The following ARHGAP26 variants were observed in gnomAD, a reference collection of about 807,000 sequenced individuals.
ARHGAP26 encodes the protein Rho GTPase activating protein 26.
ARHGAP26 carries 38 observed loss-of-function variants against 104.8 expected under a neutral mutation model. That is an observed-to-expected ratio of 0.36 (90% CI 0.28 to 0.48). The LOEUF (loss-of-function observed/expected upper bound fraction) is 0.48, where lower values mean the gene tolerates loss of function less well. Among genes scored for constraint, ARHGAP26 ranks in the 20% least tolerant of loss-of-function variants. The pLI is 0.99. For synonymous variants in ARHGAP26, 341 were observed against 340.0 expected (o/e 1.00, Z -0.03); for missense variants, 704 against 947.9 (o/e 0.74, Z 3.38).
intron 11 of ARHGAP26, among the ~76,000 whole-genome samples, chr5:142,938,516 G>A (rs554170707): frequency 9.2e-5 from 14 of 152,306 alleles, no homozygotes; most frequent in Admixed American, 2.6e-4. Context: ...TTTCTTTGGC[G>A]AGTTTCCAAT....
chr5:143,192,272 G>A (rs1806052519), intron 20 of ARHGAP26, among the ~76,000 whole-genome samples: 2 of 152,210 alleles, frequency 1.3e-5, no homozygotes, highest in African/African-American at 4.8e-5. Flanking sequence ...ATTTGAAATG[G>A]GCTTTGAGTG....
chr5:142,861,891 G>C (rs973434449), intron 1 of ARHGAP26, among the ~76,000 whole-genome samples: 2 of 152,096 alleles, frequency 1.3e-5, no homozygotes, highest in African/African-American at 2.4e-5. Flanking sequence ...CTGGATGAAG[G>C]CCTCGATTTA....
chr5:143,061,381 G>A (rs1308438667), intron 17 of ARHGAP26, among the ~76,000 whole-genome samples: 1 of 152,244 alleles, frequency 6.6e-6, no homozygotes, highest in East Asian at 1.9e-4. Context: ...CATACCATTC[G>A]TAGTGGCTCA....
At chr5:142,812,195 T>TAA (rs1258226065) in intron 1 of ARHGAP26, among the ~76,000 whole-genome samples, 1 of 152,182 alleles carries the variant, frequency 6.6e-6, no homozygotes, top group African/African-American at 2.4e-5. Flanking sequence ...TGTAAGGATC[T>TAA]TTTTAACCCA....
At chr5:142,863,349 C>T (rs1753706421) in intron 1 of ARHGAP26, among the ~76,000 whole-genome samples, 1 of 152,124 alleles carries the variant, frequency 6.6e-6, no homozygotes. Context: ...CCTCGTGATC[C>T]GCCCACCTCG....
intron 10 of ARHGAP26, among the ~76,000 whole-genome samples, chr5:142,927,800 T>G (rs1226947134): frequency 6.6e-6 from 1 of 152,234 alleles, no homozygotes; most frequent in East Asian, 1.9e-4. Flanking sequence ...AGAGTCCCAG[T>G]TACTCTACAT....
chr5:143,154,640 A>G (rs150848635), intron 20 of ARHGAP26, among the ~76,000 whole-genome samples: 248 of 152,244 alleles, frequency 1.6e-3, no homozygotes, highest in African/African-American at 5.6e-3. Context: ...TGATCAGTGA[A>G]GAGGAGGAAG....
At position 142,934,952 on chromosome 5, in the gene ARHGAP26, A is replaced by G. The variant is rs76427442; in HGVS notation, c.1107+2827A>G. Among the ~76,000 whole-genome samples the G allele has an allele frequency of 8.4e-3, 1,278 of 152,284 alleles. 7 individuals carry two copies. The highest frequency in any genetic ancestry group is 0.013 in the Non-Finnish European group (902 of 67,998). ...TTTAGCATTAAATCATACTTTTTTA[A>G]TACACAGTCATATCCTAGTCTAAAG... On this transcript the variant is annotated intron_variant, in intron 11 of 22. Transcript: ENST00000645722.
chr5:143,013,844 A>AT lies in ARHGAP26; in HGVS notation c.1108-227dup, dbSNP rs1247291109. 5.9e-5 allele frequency among the ~76,000 whole-genome samples: 9 copies of AT among 151,796 alleles called. No homozygotes were observed. In the East Asian group the frequency reaches 9.6e-4, roughly 16 times the overall value. On this transcript the variant is annotated intron_variant, in intron 11 of 22. Coordinates refer to ENST00000645722, the MANE Select transcript of ARHGAP26 (RefSeq NM_001135608.3). ...TTACTTGCTTTCTTAAAAAGAGGGAATTTTTTTTTACACAATAAAGTTGCA... is the reference window on the plus strand; with the variant it reads ...TTACTTGCTTTCTTAAAAAGAGGGAATTTTTTTTTTACACAATAAAGTTGCA...
chr5:142,988,115 G>A (rs549621494), intron 11 of ARHGAP26, among the ~76,000 whole-genome samples: 21 of 152,252 alleles, frequency 1.4e-4, no homozygotes, highest in South Asian at 6.2e-4. Flanking sequence ...CTGTGAATCC[G>A]TCTGATCCTG....
chr5:143,183,637 G>C (rs543387627), intron 20 of ARHGAP26, among the ~76,000 whole-genome samples: 3 of 152,324 alleles, frequency 2.0e-5, no homozygotes, highest in African/African-American at 2.4e-5. Flanking sequence ...CAAGAAAGCA[G>C]CAGCTGCATT....
intron 12 of ARHGAP26, among the ~76,000 whole-genome samples, chr5:143,022,186 C>T (rs746741822): frequency 6.6e-6 from 1 of 152,174 alleles, no homozygotes; most frequent in Non-Finnish European, 1.5e-5. Flanking sequence ...ATTCTCCTGC[C>T]TCAACCTCCC....
intron 18 of ARHGAP26, among the ~76,000 whole-genome samples, chr5:143,125,734 G>A (rs1205007261): frequency 6.6e-6 from 1 of 152,150 alleles, no homozygotes; most frequent in Non-Finnish European, 1.5e-5. Flanking sequence ...AAATAATAAT[G>A]ATGATAGTAA....
intron 17 of ARHGAP26, among the ~76,000 whole-genome samples, chr5:143,097,821 C>A (rs79387184): frequency 6.2e-3 from 750 of 120,928 alleles, no homozygotes; most frequent in Non-Finnish European, 7.2e-3. Flanking sequence ...GACTCCAACT[C>A]AAAAAAAAAA....
chr5:142,885,054 T>C (rs1757517879), intron 4 of ARHGAP26, among the ~76,000 whole-genome samples: 1 of 152,224 alleles, frequency 6.6e-6, no homozygotes. Context: ...GAATCTTGGC[T>C]TTGCCACCAT....
intron 20 of ARHGAP26, among the ~76,000 whole-genome samples, chr5:143,193,546 C>G (rs867736754): frequency 6.6e-6 from 1 of 152,048 alleles, no homozygotes; most frequent in Non-Finnish European, 1.5e-5. Context: ...CACCATGCCC[C>G]GGCCTACAGT....
intron 8 of ARHGAP26, among the ~76,000 whole-genome samples, chr5:142,906,747 G>A (rs774985406): frequency 3.3e-5 from 5 of 152,174 alleles, no homozygotes; most frequent in African/African-American, 4.8e-5. Flanking sequence ...TGTCCTTGAC[G>A]GCCCAGTGGA....
chr5:142,880,478 A>AC (rs1756814498), intron 4 of ARHGAP26, among the ~76,000 whole-genome samples: 1 of 151,618 alleles, frequency 6.6e-6, no homozygotes, highest in Admixed American at 6.6e-5. Context: ...AGATCGCGCC[A>AC]CTGACTGCAG....
chr5:143,007,567 G>C (rs1008685889), intron 11 of ARHGAP26, among the ~76,000 whole-genome samples: 3 of 152,182 alleles, frequency 2.0e-5, no homozygotes, highest in Admixed American at 6.5e-5. Context: ...GGACTGGGTG[G>C]AGAAGTTGTA....
Sources: allele counts gnomAD v4.1 joint callset (sites outside exome capture counted in the v4.1 genomes callset), GRCh38; gene constraint gnomAD v4.1.1; transcripts MANE v1.5; gene names NCBI Gene and HGNC (gene_info 2026-07-23, HGNC 2026-07-21).